Variants in ADGRV1 observed in about 807,000 individuals in gnomAD.
The protein encoded by ADGRV1 is adhesion G protein-coupled receptor V1, also known as G-protein coupled receptor 98.
Under a neutral mutation model 596.2 loss-of-function variants are expected in ADGRV1, and 359 were observed. The observed-to-expected ratio is 0.60, with a 90% CI of 0.55 to 0.66. The LOEUF is 0.66. ADGRV1 is among the 30% of genes least tolerant of loss of function. The pLI is 0.00. For missense variants in ADGRV1, 7,274 were observed against 7,575.6 expected (o/e 0.96, Z 1.48); for synonymous variants, 2,681 against 2,679.2 (o/e 1.00, Z -0.02).
chr5:91,083,243 G>A (rs1789564391), intron 86 of ADGRV1, among the ~76,000 whole-genome samples: 1 of 151,646 alleles, frequency 6.6e-6, no homozygotes, highest in Admixed American at 6.6e-5. Context: ...GCCTGTCATG[G>A]GGTAGGGGGG....
chr5:90,681,535 G>T, intron 27 of ADGRV1, 81 bp downstream of exon 27: 1 of 1,369,360 alleles, frequency 7.3e-7, no homozygotes, highest in Non-Finnish European at 9.7e-7. Flanking sequence ...TGTGTTTTAT[G>T]CTTTCCTTTT....
At chr5:91,081,643 G>A (rs1006395357) in intron 86 of ADGRV1, among the ~76,000 whole-genome samples, 7 of 152,016 alleles carry the variant, frequency 4.6e-5, no homozygotes, top group Admixed American at 1.3e-4. Context: ...AAAATTAGCC[G>A]GGCATGGTGG....
chr5:90,598,747 T>C (rs27197), intron 1 of ADGRV1, among the ~76,000 whole-genome samples: 91,264 of 152,086 alleles, frequency 0.6, 27,918 homozygotes, highest in African/African-American at 0.69. Flanking sequence ...TTCCTGCCAG[T>C]GTGATGCATG....
At chr5:90,922,433 C>T (rs1282263472) in intron 83 of ADGRV1, among the ~76,000 whole-genome samples, 1 of 152,070 alleles carries the variant, frequency 6.6e-6, no homozygotes, top group Non-Finnish European at 1.5e-5. Flanking sequence ...TCTGGCTTTT[C>T]ACTCATTCCC....
intron 87 of ADGRV1, among the ~76,000 whole-genome samples, chr5:91,141,154 G>C (rs1158175738): frequency 6.6e-6 from 1 of 152,158 alleles, no homozygotes; most frequent in Non-Finnish European, 1.5e-5. Flanking sequence ...CAAAATTGTT[G>C]TTCCTAGGAA....
Position 90,693,973 on chromosome 5 carries a change from A to T in ADGRV1, c.7217A>T (p.Asp2406Val), listed in dbSNP as rs757449764. Residue 2406 changes from aspartate to valine, a missense_variant, in exon 33 of 90, where the codon GAT becomes GTT. By Grantham distance (152) the Asp-to-Val change is radical. Coordinates refer to ENST00000405460, the MANE Select transcript of ADGRV1 (RefSeq NM_032119.4). Reference protein sequence around the residue: ...VVALAMEEGQDLLSYYESPIQ... With the variant: ...VVALAMEEGQVLLSYYESPIQ... Reference sequence around the variant, plus strand: ...GCTCTGGCAATGGAGGAAGGTCAAGATTTACTGTCCTACTATGAATCTCCA... The same window carrying T: ...GCTCTGGCAATGGAGGAAGGTCAAGTTTTACTGTCCTACTATGAATCTCCA... 1 of 1,611,850 alleles carries T rather than the reference A, an allele frequency of 6.2e-7. No homozygotes were observed. The highest frequency in any genetic ancestry group is 2.2e-5 in the East Asian group (1 of 44,812).
intron 87 of ADGRV1, among the ~76,000 whole-genome samples, chr5:91,123,620 C>T (rs1422505999): frequency 1.3e-5 from 2 of 152,196 alleles, no homozygotes; most frequent in Non-Finnish European, 2.9e-5. Flanking sequence ...CAAACCATGG[C>T]AATTCCCAAC....
At chr5:91,138,334 T>TG (rs1014582249) in intron 87 of ADGRV1, among the ~76,000 whole-genome samples, 3 of 152,212 alleles carry the variant, frequency 2.0e-5, no homozygotes, top group African/African-American at 7.2e-5. Flanking sequence ...ATATCAATTT[T>TG]GGGGGGCTTC....
chr5:90,905,333 A>T (rs1004658828), intron 83 of ADGRV1, among the ~76,000 whole-genome samples: 1 of 152,014 alleles, frequency 6.6e-6, no homozygotes, highest in Non-Finnish European at 1.5e-5. Flanking sequence ...GGTAGTATGG[A>T]CATTTTAGTA....
intron 22 of ADGRV1, 135 bp downstream of exon 22, chr5:90,672,857 A>G (rs1043411982): frequency 1.6e-6 from 1 of 641,968 alleles, no homozygotes; most frequent in African/African-American, 1.8e-5. Flanking sequence ...CTGATACATT[A>G]GAATTTGCTT....
chr5:90,872,128 G>C (rs1315838136), intron 83 of ADGRV1, among the ~76,000 whole-genome samples: 4 of 152,168 alleles, frequency 2.6e-5, no homozygotes. Context: ...CTGCAAGGGA[G>C]GGGAGAATTT....
intron 68 of ADGRV1, among the ~76,000 whole-genome samples, chr5:90,788,695 G>A (rs559240157): frequency 6.6e-6 from 1 of 151,896 alleles, no homozygotes; most frequent in African/African-American, 2.4e-5. Flanking sequence ...AGGAAAAAAT[G>A]GTACTTGTTT....
intron 1 of ADGRV1, among the ~76,000 whole-genome samples, chr5:90,565,649 G>A (rs1047395848): frequency 5.3e-5 from 8 of 152,072 alleles, no homozygotes; most frequent in African/African-American, 1.4e-4. Context: ...TTAAGCATTT[G>A]TATACAAGTT....
At chr5:90,835,963 A>G (rs1561824534) in intron 77 of ADGRV1, among the ~76,000 whole-genome samples, 1 of 152,252 alleles carries the variant, frequency 6.6e-6, no homozygotes, top group Non-Finnish European at 1.5e-5. Context: ...GAAAGGATGT[A>G]CAGATGAAGA....
intron 85 of ADGRV1, among the ~76,000 whole-genome samples, chr5:91,044,061 G>T (rs1419190326): frequency 6.6e-6 from 1 of 152,062 alleles, no homozygotes; most frequent in Non-Finnish European, 1.5e-5. Flanking sequence ...TTTGGAGAAT[G>T]AATGAAGAAA....
chr5:90,855,977 A>G, intron 82 of ADGRV1, 76 bp downstream of exon 82: 1 of 1,212,092 alleles, frequency 8.3e-7, no homozygotes, highest in Non-Finnish European at 1.2e-6. Flanking sequence ...TAATCCTTTT[A>G]CGTATGCAAG....
At chr5:90,641,693 A>G (rs879032774) in intron 11 of ADGRV1, among the ~76,000 whole-genome samples, 1 of 152,160 alleles carries the variant, frequency 6.6e-6, no homozygotes, top group East Asian at 1.9e-4. Context: ...TTTTTTCTAC[A>G]TATTTCTACA....
intron 83 of ADGRV1, among the ~76,000 whole-genome samples, chr5:90,964,120 T>A (rs559534057): frequency 1.3e-5 from 2 of 152,196 alleles, no homozygotes; most frequent in East Asian, 3.9e-4. Context: ...TTGAGGGACA[T>A]GTCCTTGGTA....
At chr5:90,833,844 G>A (rs1014241339) in intron 77 of ADGRV1, among the ~76,000 whole-genome samples, 8 of 151,988 alleles carry the variant, frequency 5.3e-5, no homozygotes, top group Admixed American at 5.2e-4. Context: ...TGCAAACAAG[G>A]ATAATTTGAC....
Sources: gnomAD v4.1 joint callset for allele counts (sites outside exome capture counted in the v4.1 genomes callset) on GRCh38, gnomAD v4.1.1 for gene constraint, MANE v1.5 for transcripts, NCBI Gene and HGNC (gene_info 2026-07-23, HGNC 2026-07-21) for gene names.